Variants in CFAP54 observed in about 807,000 individuals in gnomAD.
The protein encoded by CFAP54 is cilia- and flagella-associated protein 54.
A neutral mutation model predicts 370.4 loss-of-function variants in CFAP54; 290 were observed. The ratio of observed to expected loss-of-function variants is 0.78; its 90% CI spans 0.71 to 0.86. CFAP54 has a LOEUF of 0.86. CFAP54 is among the 40% of genes least tolerant of loss of function. The pLI, the probability that CFAP54 is intolerant of heterozygous loss-of-function variation, is 0.00. For synonymous variants in CFAP54, 1,206 were observed against 1,236.5 expected (o/e 0.98, Z 0.52); for missense variants, 3,399 against 3,528.7 (o/e 0.96, Z 0.93).
intron 17 of CFAP54, among the ~76,000 whole-genome samples, chr12:96,555,640 A>G (rs902571693): frequency 2.0e-5 from 3 of 150,590 alleles, no homozygotes; most frequent in Admixed American, 6.6e-5. Flanking sequence ...ATAAAAAGAC[A>G]TCATTTTTAT....
At chr12:96,726,160 G>A (rs1402838436) in intron 50 of CFAP54, among the ~76,000 whole-genome samples, 2 of 150,730 alleles carry the variant, frequency 1.3e-5, no homozygotes, top group African/African-American at 2.4e-5. Flanking sequence ...GTCTCTGCCC[G>A]GCTTTGGTAT....
intron 66 of CFAP54, among the ~76,000 whole-genome samples, chr12:96,831,101 G>A (rs969920310): frequency 5.9e-5 from 9 of 152,070 alleles, no homozygotes; most frequent in Non-Finnish European, 8.8e-5. Flanking sequence ...GTTGGCATTC[G>A]TGTTTCTCCT....
At chr12:96,745,432 G>A (rs1958103782) in intron 55 of CFAP54, among the ~76,000 whole-genome samples, 1 of 152,172 alleles carries the variant, frequency 6.6e-6, no homozygotes, top group African/African-American at 2.4e-5. Flanking sequence ...TTTCTCTAAT[G>A]ATCAGTGATG....
chr12:96,826,957 A>G (rs1355696706), intron 65 of CFAP54, among the ~76,000 whole-genome samples: 5 of 129,116 alleles, frequency 3.9e-5, no homozygotes, highest in Non-Finnish European at 6.1e-5. Flanking sequence ...GATTATATAT[A>G]ATATGCAATT....
intron 47 of CFAP54, among the ~76,000 whole-genome samples, chr12:96,706,379 A>T (rs1242492160): frequency 6.6e-6 from 1 of 152,174 alleles, no homozygotes; most frequent in East Asian, 1.9e-4. Flanking sequence ...TAGACCTGAA[A>T]CAGCTAAAGG....
In CFAP54 at chr12:96,506,724, T is replaced by C. The variant is rs1194867488; in HGVS notation, c.568-204T>C. Among the ~76,000 whole-genome samples, 3 of 151,902 alleles carry C rather than the reference T, an allele frequency of 2.0e-5. No individual in the cohort carries two copies. In the East Asian group the frequency reaches 5.8e-4, roughly 29 times the overall value. ...GCCTCAGCCTCCTGAGTAGCTGGGA[T>C]TACACGCATGTGCCACCACGCCCAG... On this transcript the variant is annotated intron_variant, in intron 3 of 67. Transcript: ENST00000524981.
chr12:96,604,692 C>T (rs1956282553), intron 26 of CFAP54, among the ~76,000 whole-genome samples: 1 of 152,212 alleles, frequency 6.6e-6, no homozygotes, highest in Admixed American at 6.5e-5. Flanking sequence ...GGTGGATGTC[C>T]TTCTGCCTGC....
chr12:96,826,900 TTA>T (rs1959120007), intron 65 of CFAP54, among the ~76,000 whole-genome samples: 1 of 126,688 alleles, frequency 7.9e-6, no homozygotes, highest in Non-Finnish European at 1.6e-5. Flanking sequence ...ATATGATATA[TTA>T]TATATGCAAT....
chr12:96,699,974 G>A lies in CFAP54; in HGVS notation c.6355G>A (p.Glu2119Lys). Residue 2119 changes from glutamate to lysine, a missense_variant, in exon 46 of 68, where the codon GAA becomes AAA. This residue lies in a region of CFAP54 where 2,796 missense variants were observed against 2,869.7 expected (regional missense o/e 0.97). Transcript: ENST00000524981. ...RNLEARILKI[E>K]VLIDLRFFSE... is the part of the protein sequence containing the mutation. ...CATTATTTCCTTTCCTTTACAGATA[G>A]AAGTCCTTATAGATTTGAGATTCTT... is the stretch of plus-strand genomic sequence containing the variant. 6.4e-7 allele frequency: 1 copy of A among 1,566,826 alleles called. No individual in the cohort carries two copies. Among genetic ancestry groups the A allele is most frequent in the Non-Finnish European group, 8.7e-7 (1 of 1,148,770 alleles).
At chr12:96,694,424 A>G (rs777240611) in intron 45 of CFAP54, among the ~76,000 whole-genome samples, 3 of 152,060 alleles carry the variant, frequency 2.0e-5, no homozygotes, top group African/African-American at 7.3e-5. Context: ...ATATCCAACA[A>G]ATATGCTCCC....
chr12:96,825,903 A>G (rs1959095547), intron 65 of CFAP54, among the ~76,000 whole-genome samples: 1 of 139,688 alleles, frequency 7.2e-6, no homozygotes, highest in Non-Finnish European at 1.5e-5. Context: ...ATATAACTAT[A>G]TAACAGAATA....
At chr12:96,710,573 G>T (rs552136388) in intron 48 of CFAP54, among the ~76,000 whole-genome samples, 1 of 152,102 alleles carries the variant, frequency 6.6e-6, no homozygotes, top group Non-Finnish European at 1.5e-5. Context: ...CACATGAAAG[G>T]TGTACTCACA....
intron 2 of CFAP54, 41 bp from the exon 3 acceptor site, chr12:96,503,845 T>G: frequency 7.0e-7 from 1 of 1,420,318 alleles, no homozygotes. Context: ...ATAAGCTAAA[T>G]GATATTTTGG....
chr12:96,693,816 A>G lies in CFAP54; in HGVS notation c.6351+8A>G. 1 of 1,520,642 alleles carries G rather than the reference A, an allele frequency of 6.6e-7. No individual in the cohort carries two copies. Among genetic ancestry groups the G allele is most frequent in the Non-Finnish European group, 9.1e-7 (1 of 1,102,876 alleles). The allele number at this position is 1,520,642 out of a possible 1,614,324, so 94.2% of individuals were successfully genotyped here. A position where few individuals can be genotyped will look rare whatever the true frequency, so the allele number is the denominator to read the frequency against. On this transcript the variant is annotated splice_region_variant and intron_variant, in intron 45 of 67. Transcript: ENST00000524981. ...GAAGCAAGAATCCTCAAGGTATGTT[A>G]CAAGCTTTTAAGACATTTGATATTC...
chr12:96,867,168 A>T (rs949097335), intron 67 of CFAP54, among the ~76,000 whole-genome samples: 1 of 152,190 alleles, frequency 6.6e-6, no homozygotes, highest in Admixed American at 6.5e-5. Flanking sequence ...TCATAGACAC[A>T]TTAGTATTTC....
At chr12:96,855,838 C>G (rs893186013) in intron 66 of CFAP54, among the ~76,000 whole-genome samples, 2 of 152,230 alleles carry the variant, frequency 1.3e-5, no homozygotes, top group African/African-American at 4.8e-5. Context: ...CACAGTTCCA[C>G]TAGGCAGTGC....
At chr12:96,725,173 C>T (rs953647694) in intron 50 of CFAP54, among the ~76,000 whole-genome samples, 1 of 151,754 alleles carries the variant, frequency 6.6e-6, no homozygotes, top group Non-Finnish European at 1.5e-5. Context: ...TTTTTTGGTT[C>T]CATATGAACT....
At chr12:96,612,041 A>T (rs981750833) in intron 26 of CFAP54, among the ~76,000 whole-genome samples, 1 of 152,180 alleles carries the variant, frequency 6.6e-6, no homozygotes, top group Non-Finnish European at 1.5e-5. Flanking sequence ...GGTTACAGAG[A>T]ACGCCACAAA....
chr12:96,825,973 A>G (rs894625352), intron 65 of CFAP54, among the ~76,000 whole-genome samples: 2 of 142,890 alleles, frequency 1.4e-5, no homozygotes, highest in African/African-American at 5.1e-5. Flanking sequence ...ATAACATAAT[A>G]TATTAATGTA....
Sources: gnomAD v4.1 joint callset for allele counts (sites outside exome capture counted in the v4.1 genomes callset) on GRCh38, gnomAD v4.1.1 for gene constraint, gnomAD v4.1.1 regional missense constraint, MANE v1.5 for transcripts, NCBI Gene and HGNC (gene_info 2026-07-23, HGNC 2026-07-21) for gene names.